Variants in ERP44 observed in about 807,000 individuals in gnomAD.
ERP44 encodes the protein endoplasmic reticulum protein 44.
In ERP44, 25 loss-of-function variants were observed where a neutral mutation model predicts 53.4. That is an observed-to-expected ratio of 0.47 (90% CI 0.34 to 0.65). ERP44 has a LOEUF of 0.65. ERP44 is among the 30% of genes least tolerant of loss of function. The probability of loss-of-function intolerance (pLI) is 0.01; values close to 1 mark genes in which losing one functional copy is unlikely to be tolerated. For synonymous variants in ERP44, 145 were observed against 161.2 expected, an observed-to-expected ratio of 0.90 and a Z score of 0.76; for missense variants, 338 against 493.2, an observed-to-expected ratio of 0.69 and a Z score of 2.98.
At chr9:100,088,123 C>T (rs1415908793) in intron 1 of ERP44, among the ~76,000 whole-genome samples, 1 of 151,988 alleles carries the variant, frequency 6.6e-6, no homozygotes, top group Non-Finnish European at 1.5e-5. Flanking sequence ...TATCAGCCAC[C>T]CAGTTAGGAA....
intron 4 of ERP44, among the ~76,000 whole-genome samples, chr9:100,038,705 G>A (rs1825870793): frequency 6.6e-6 from 1 of 151,830 alleles, no homozygotes; most frequent in South Asian, 2.1e-4. Flanking sequence ...ACAGACTGGT[G>A]TAATGGATTT....
At chr9:100,034,573 A>C (rs1468486229) in intron 4 of ERP44, among the ~76,000 whole-genome samples, 1 of 152,212 alleles carries the variant, frequency 6.6e-6, no homozygotes, top group South Asian at 2.1e-4. Flanking sequence ...ATTAAAAAAA[A>C]CAAAAAAACA....
rs1273266745 is a variant in ERP44 at position 99,981,902 on chromosome 9, A to C, written c.*710T>G. 2 of 152,208 alleles carry C rather than the reference A, an allele frequency of 1.3e-5. No homozygotes were observed. The highest frequency in any genetic ancestry group is 2.9e-5 in the Non-Finnish European group (2 of 68,032). 9.4% of individuals were successfully genotyped at this position (152,208 alleles called of 1,614,324 possible). A position where few individuals can be genotyped will look rare whatever the true frequency, so the allele number is the denominator to read the frequency against. On this transcript the variant is annotated 3_prime_UTR_variant, in exon 12 of 12. Coordinates refer to ENST00000262455, the MANE Select transcript of ERP44 (RefSeq NM_015051.3). ...ACCTCCCTGTCCCAGATTTAGGTAT[A>C]ATTCATTCAAAGTTTTAAATGCCAT...
chr9:100,013,530 G>A (rs1017743403), intron 8 of ERP44, among the ~76,000 whole-genome samples: 9 of 151,896 alleles, frequency 5.9e-5, no homozygotes, highest in Non-Finnish European at 4.4e-5. Flanking sequence ...CTGTCTTTCC[G>A]GAAAAGGCAA....
At chr9:100,043,258 C>CAAAAAAAAAAAAAAAAAAAAAAAAAAAAA (rs56066117) in intron 4 of ERP44, among the ~76,000 whole-genome samples, 2 of 20,266 alleles carry the variant, frequency 9.9e-5, no homozygotes, top group African/African-American at 2.5e-4. Flanking sequence ...GACTCTGTCT[C>CAAAAAAAAAAAAAAAAAAAAAAAAAAAAA]AAAAAAAAAA....
intron 3 of ERP44, among the ~76,000 whole-genome samples, chr9:100,057,002 G>A (rs1458576663): frequency 1.3e-5 from 2 of 152,204 alleles, no homozygotes; most frequent in African/African-American, 4.8e-5. Context: ...ACATTGTAGA[G>A]AACAGAATGG....
intron 1 of ERP44, among the ~76,000 whole-genome samples, chr9:100,091,041 C>G (rs1363892673): frequency 6.6e-6 from 1 of 152,122 alleles, no homozygotes; most frequent in Non-Finnish European, 1.5e-5. Flanking sequence ...ACTATTCAGC[C>G]TATGGTTTTC....
At chr9:100,090,032 G>C (rs796589251) in intron 1 of ERP44, among the ~76,000 whole-genome samples, 2 of 152,228 alleles carry the variant, frequency 1.3e-5, no homozygotes, top group African/African-American at 4.8e-5. Flanking sequence ...TACTTTTGTT[G>C]TTAGCACACT....
intron 4 of ERP44, among the ~76,000 whole-genome samples, chr9:100,046,564 C>T (rs868338289): frequency 1.2e-4 from 18 of 152,156 alleles, no homozygotes; most frequent in African/African-American, 3.9e-4. Context: ...TCTGATAAAG[C>T]TATCCAAGAC....
intron 10 of ERP44, among the ~76,000 whole-genome samples, chr9:99,989,020 C>G (rs1490089287): frequency 6.6e-6 from 1 of 152,204 alleles, no homozygotes; most frequent in African/African-American, 2.4e-5. Context: ...ACTAGGTAAA[C>G]AAAGCGGCCA....
chr9:100,058,799 A>C (rs750427113), intron 2 of ERP44, among the ~76,000 whole-genome samples: 8 of 152,246 alleles, frequency 5.3e-5, no homozygotes, highest in Admixed American at 3.3e-4. Flanking sequence ...AATAAAACAC[A>C]AAGATATTCT....
chr9:100,042,805 C>T (rs1825920316), intron 4 of ERP44, among the ~76,000 whole-genome samples: 1 of 152,096 alleles, frequency 6.6e-6, no homozygotes, highest in South Asian at 2.1e-4. Context: ...TGAAATAAGC[C>T]AGGCACAGGA....
chr9:100,025,496 C>A (rs1301964210), intron 4 of ERP44, among the ~76,000 whole-genome samples: 2 of 152,064 alleles, frequency 1.3e-5, no homozygotes, highest in African/African-American at 4.8e-5. Flanking sequence ...TACATCACAA[C>A]ACTGACAGAA....
intron 1 of ERP44, among the ~76,000 whole-genome samples, chr9:100,092,763 CT>C (rs1420837004): frequency 6.6e-6 from 1 of 152,268 alleles, no homozygotes; most frequent in East Asian, 1.9e-4. Context: ...AAAAATTCAA[CT>C]TTGGTTGTAA....
intron 3 of ERP44, among the ~76,000 whole-genome samples, chr9:100,052,927 A>T (rs1331627972): frequency 2.6e-5 from 4 of 151,798 alleles, no homozygotes; most frequent in Non-Finnish European, 5.9e-5. Context: ...TTTATTTTTA[A>T]TTTTTTTTGA....
Position 100,098,770 on chromosome 9 carries a change from AT to A in ERP44, c.57+13del. 6.2e-7 allele frequency: 1 copy of A among 1,612,048 alleles called. No homozygotes were observed. Among genetic ancestry groups the A allele is most frequent in the Non-Finnish European group, 8.5e-7 (1 of 1,178,224 alleles). On this transcript the variant is annotated intron_variant, in intron 1 of 11. Transcript: ENST00000262455. ...TCGTGCGTTTGTCGATGGGTCTGTC[AT>A]TCCCTCACTCACCAGGAGCAGAAGG...
intron 1 of ERP44, among the ~76,000 whole-genome samples, chr9:100,061,176 C>T (rs1384334925): frequency 2.6e-5 from 4 of 152,174 alleles, no homozygotes; most frequent in African/African-American, 7.2e-5. Flanking sequence ...GGCATGGTGG[C>T]TCATGCCTGT....
At chr9:100,066,669 C>G (rs1826212159) in intron 1 of ERP44, among the ~76,000 whole-genome samples, 1 of 152,194 alleles carries the variant, frequency 6.6e-6, no homozygotes, top group South Asian at 2.1e-4. Flanking sequence ...AGTCCCAATG[C>G]CCTGAGACCT....
intron 4 of ERP44, among the ~76,000 whole-genome samples, chr9:100,044,193 G>A (rs1825943381): frequency 6.6e-6 from 1 of 152,088 alleles, no homozygotes; most frequent in Non-Finnish European, 1.5e-5. Flanking sequence ...GTTCATAAGT[G>A]CTGGTACTGT....
Sources: gnomAD v4.1 joint callset for allele counts (sites outside exome capture counted in the v4.1 genomes callset) on GRCh38, gnomAD v4.1.1 for gene constraint, MANE v1.5 for transcripts, NCBI Gene and HGNC (gene_info 2026-07-23, HGNC 2026-07-21) for gene names.